The following CCDC149 variants were observed in gnomAD, a reference collection of about 807,000 sequenced individuals.
The protein encoded by CCDC149 is coiled-coil domain-containing protein 149.
CCDC149 carries 45 observed loss-of-function variants against 59.9 expected under a neutral mutation model. That is an observed-to-expected ratio of 0.75 (90% CI 0.59 to 0.96). The LOEUF (loss-of-function observed/expected upper bound fraction) is 0.96, where lower values mean the gene tolerates loss of function less well. Ranked by LOEUF, CCDC149 falls within the 40% of genes least tolerant of loss-of-function variation. The pLI, the probability that CCDC149 is intolerant of heterozygous loss-of-function variation, is 0.00. For missense variants in CCDC149, 584 were observed against 664.7 expected, an observed-to-expected ratio of 0.88 and a Z score of 1.33; for synonymous variants, 245 against 260.6, an observed-to-expected ratio of 0.94 and a Z score of 0.58.
chr4:24,940,579 TA>T (rs1722923645), intron 1 of CCDC149, among the ~76,000 whole-genome samples: 1 of 151,824 alleles, frequency 6.6e-6, no homozygotes, highest in Non-Finnish European at 1.5e-5. Context: ...CTAAATGCTC[TA>T]ATTAAAAGGC....
In CCDC149 at chr4:24,931,310, A is replaced by AATATATATATATATATATAT. The variant is rs71187200; in HGVS notation, c.-64-36212_-64-36193dup. ...ATTTATATATGTTTATTTATTTTAA[A>AATATATATATATATATATAT]ATATATATATATATATATATATCTC... On this transcript the variant is annotated intron_variant, in intron 1 of 12. Transcript: ENST00000389609. 3.1e-3 allele frequency among the ~76,000 whole-genome samples: 431 copies of AATATATATATATATATATAT among 138,142 alleles called. 2 individuals carry two copies. Among genetic ancestry groups the AATATATATATATATATATAT allele is most frequent in the Non-Finnish European group, 4.4e-3 (288 of 65,236 alleles). 90.6% of individuals were successfully genotyped at this position (138,142 alleles called of 152,430 possible).
At chr4:24,911,965 G>A (rs139567759) in intron 1 of CCDC149, among the ~76,000 whole-genome samples, 1 of 152,290 alleles carries the variant, frequency 6.6e-6, no homozygotes, top group African/African-American at 2.4e-5. Flanking sequence ...CCCCGGCATG[G>A]GTAAGTAACA....
chr4:24,820,892 A>C (rs1715348772), intron 11 of CCDC149, among the ~76,000 whole-genome samples, 163 bp downstream of exon 11: 1 of 152,174 alleles, frequency 6.6e-6, no homozygotes, highest in Non-Finnish European at 1.5e-5. Flanking sequence ...GTCATCCTTT[A>C]ATATTTGTTT....
chr4:24,929,198 T>G (rs762456963), intron 1 of CCDC149, among the ~76,000 whole-genome samples: 64 of 152,192 alleles, frequency 4.2e-4, no homozygotes, highest in Non-Finnish European at 8.1e-4. Context: ...CTAAACTGAT[T>G]GCCAAGCAGC....
Position 24,808,357 on chromosome 4 carries a change from C to A in CCDC149, c.*32G>T. On this transcript the variant is annotated 3_prime_UTR_variant, in exon 13 of 13. Coordinates refer to ENST00000635206, the MANE Select transcript of CCDC149 (RefSeq NM_001330643.2). ...CATTCTTGACCCTCTCTGGGGCTTTCAATGTGTCATTGTGTCAGATCCCTC... is the reference window on the plus strand; with the variant it reads ...CATTCTTGACCCTCTCTGGGGCTTTAAATGTGTCATTGTGTCAGATCCCTC... 7.0e-7 allele frequency: 1 copy of A among 1,436,592 alleles called. No homozygotes were observed. The highest frequency in any genetic ancestry group is 1.6e-5 in the South Asian group (1 of 62,486). The allele number at this position is 1,436,592 out of a possible 1,614,324, so 89.0% of individuals were successfully genotyped here.
At position 24,808,477 on chromosome 4, in the gene CCDC149, G is replaced by A. The variant is rs539880606; in HGVS notation, c.1535C>T (p.Ala512Val). ...GGAAGCTTTGGCTGCTGGCCGGCTGGCCTCGAAGGAGTCCAGGTGAGATTT... is the reference window on the plus strand; with the variant it reads ...GGAAGCTTTGGCTGCTGGCCGGCTGACCTCGAAGGAGTCCAGGTGAGATTT... Residue 512 changes from alanine to valine, a missense_variant, in exon 13 of 13, where the codon GCC (alanine) becomes GTC (valine). Transcript: ENST00000635206. 11 of 1,475,970 alleles carry A rather than the reference G, an allele frequency of 7.5e-6. No homozygotes were observed. Among genetic ancestry groups the A allele is most frequent in the Admixed American group, 2.7e-5 (1 of 37,720 alleles). 91.4% of individuals were successfully genotyped at this position (1,475,970 alleles called of 1,614,324 possible).
At chr4:24,853,587 C>CAA (rs11291619) in intron 3 of CCDC149, among the ~76,000 whole-genome samples, 50 of 92,232 alleles carry the variant, frequency 5.4e-4, no homozygotes, top group African/African-American at 1.3e-3. Flanking sequence ...GACTCCATTT[C>CAA]AAAAAAAAAA....
intron 9 of CCDC149, chr4:24,828,679 G>A (rs561154294): frequency 4.6e-5 from 7 of 152,252 alleles, no homozygotes; most frequent in African/African-American, 1.7e-4. Context: ...TACAAGGGAG[G>A]CTGAGGCACA....
intron 1 of CCDC149, among the ~76,000 whole-genome samples, chr4:24,975,224 A>G (rs1219054550): frequency 6.6e-6 from 1 of 151,776 alleles, no homozygotes; most frequent in African/African-American, 2.4e-5. Context: ...TTCTATGATA[A>G]CTATTCTGTT....
chr4:24,833,720 AT>A (rs1054614994), intron 8 of CCDC149, among the ~76,000 whole-genome samples: 10 of 152,194 alleles, frequency 6.6e-5, no homozygotes, highest in Admixed American at 1.3e-4. Context: ...TGTTTTCAAT[AT>A]TTTTTATTAT....
upstream of CCDC149, among the ~76,000 whole-genome samples, chr4:24,914,394 A>G (rs909255733): frequency 4.6e-5 from 7 of 151,864 alleles, no homozygotes; most frequent in African/African-American, 1.2e-4. Context: ...AGAAAAAAAA[A>G]AAAAAAAAAA....
chr4:24,938,213 G>T (rs796867593), intron 1 of CCDC149, among the ~76,000 whole-genome samples: 5 of 152,154 alleles, frequency 3.3e-5, no homozygotes, highest in Non-Finnish European at 4.4e-5. Flanking sequence ...AAAGAGAAAC[G>T]ACAGAGAGCC....
At chr4:24,928,555 G>A (rs1722494513) in intron 1 of CCDC149, among the ~76,000 whole-genome samples, 1 of 152,104 alleles carries the variant, frequency 6.6e-6, no homozygotes, top group African/African-American at 2.4e-5. Flanking sequence ...AACCATGACT[G>A]GGTGATCCAA....
intron 1 of CCDC149, among the ~76,000 whole-genome samples, chr4:24,886,896 C>T (rs1266837601): frequency 1.3e-5 from 2 of 152,024 alleles, no homozygotes; most frequent in Non-Finnish European, 2.9e-5. Flanking sequence ...GGAATAAGCT[C>T]AGTAAAATAT....
At chr4:24,835,904 A>T (rs1716485285) in intron 7 of CCDC149, among the ~76,000 whole-genome samples, 1 of 152,196 alleles carries the variant, frequency 6.6e-6, no homozygotes, top group East Asian at 1.9e-4. Flanking sequence ...AATAGATATT[A>T]TCAAACTAAT....
At chr4:24,867,207 C>T (rs868155696) in intron 3 of CCDC149, among the ~76,000 whole-genome samples, 3 of 152,132 alleles carry the variant, frequency 2.0e-5, no homozygotes, top group African/African-American at 4.8e-5. Flanking sequence ...TCACAAACAC[C>T]GCCACATCAG....
intron 3 of CCDC149, among the ~76,000 whole-genome samples, chr4:24,868,567 T>C (rs1718837756): frequency 6.6e-6 from 1 of 152,174 alleles, no homozygotes; most frequent in South Asian, 2.1e-4. Flanking sequence ...GTAGCATCTC[T>C]AGTACAATAA....
At chr4:24,876,351 A>G (rs1370505800) in intron 2 of CCDC149, among the ~76,000 whole-genome samples, 185 bp downstream of exon 2, 2 of 151,716 alleles carry the variant, frequency 1.3e-5, no homozygotes, top group Non-Finnish European at 2.9e-5. Context: ...AGAGAGAGAG[A>G]GAGAGATTAA....
At chr4:24,900,052 C>A (rs1462931981) in intron 1 of CCDC149, among the ~76,000 whole-genome samples, 1 of 152,116 alleles carries the variant, frequency 6.6e-6, no homozygotes, top group African/African-American at 2.4e-5. Flanking sequence ...CATTAAGAAC[C>A]CTCCTCAATC....
Sources: gnomAD v4.1 joint callset for allele counts (sites outside exome capture counted in the v4.1 genomes callset) on GRCh38, gnomAD v4.1.1 for gene constraint, MANE v1.5 for transcripts, NCBI Gene and HGNC (gene_info 2026-07-23, HGNC 2026-07-21) for gene names.